The following DCAF4 variants were observed in gnomAD, a reference collection of about 807,000 sequenced individuals.
The protein encoded by DCAF4 is DDB1 and CUL4 associated factor 4.
DCAF4 carries 37 observed loss-of-function variants against 60.9 expected under a neutral mutation model. That is an observed-to-expected ratio of 0.61 (90% CI 0.47 to 0.80). The LOEUF is 0.80. DCAF4 is among the 30% of genes least tolerant of loss of function. The pLI is 0.00. For synonymous variants in DCAF4, 243 were observed against 254.8 expected (o/e 0.95, Z 0.44); for missense variants, 577 against 650.0 (o/e 0.89, Z 1.22).
intron 13 of DCAF4, 199 bp downstream of exon 13, chr14:72,956,699 C>T: frequency 1.9e-6 from 1 of 519,684 alleles, no homozygotes; most frequent in Non-Finnish European, 3.5e-6. Flanking sequence ...AAATGTCCAC[C>T]AGGTGGACAG....
At position 72,942,990 on chromosome 14, in the gene DCAF4, G is replaced by A; in HGVS notation, c.432-4G>A. The A allele has an allele frequency of 6.2e-7, 1 of 1,613,936 alleles. No individual in the cohort carries two copies. The highest frequency in any genetic ancestry group is 1.3e-5 in the African/African-American group (1 of 75,030). On this transcript the variant is annotated splice_region_variant and splice_polypyrimidine_tract_variant and intron_variant, in intron 5 of 13. Coordinates refer to ENST00000358377, the MANE Select transcript of DCAF4 (RefSeq NM_015604.4). ...ATCCATGCCCCCACCCTCTGTTTCTGCAGTTTAGCCCACGAGCTGCGTCTC... is the reference window on the plus strand; with the variant it reads ...ATCCATGCCCCCACCCTCTGTTTCTACAGTTTAGCCCACGAGCTGCGTCTC...
intron 1 of DCAF4, among the ~76,000 whole-genome samples, chr14:72,935,807 G>A (rs1243044953): frequency 1.3e-5 from 2 of 152,174 alleles, no homozygotes; most frequent in African/African-American, 4.8e-5. Context: ...CAGTTCGTGT[G>A]TTCTTTGCTG....
Position 72,958,670 on chromosome 14 carries a change from C to T in DCAF4, c.1353C>T (p.Thr451=). ...TCCACGATGCCCGCCTACTGAGAAC[C>T]ATACCCTCCCCGTACCCTGCCTCCA... The part of the protein sequence containing the change: ...WSLHDARLLR[T]IPSPYPASKA... Residue 451 remains threonine, a synonymous_variant, in exon 14 of 14, where the codon ACC becomes ACT. Transcript: ENST00000358377. 8 of 1,614,210 alleles carry T rather than the reference C, an allele frequency of 5.0e-6. No individual in the cohort carries two copies. Among genetic ancestry groups the T allele is most frequent in the Non-Finnish European group, 6.8e-6 (8 of 1,180,044 alleles).
At chr14:72,956,622 G>A (rs1276595472) in intron 13 of DCAF4, 122 bp downstream of exon 13, 5 of 885,852 alleles carry the variant, frequency 5.6e-6, no homozygotes, top group Non-Finnish European at 9.0e-6. Context: ...AGGGGAGTGT[G>A]GACAGCTGGG....
intron 1 of DCAF4, among the ~76,000 whole-genome samples, chr14:72,931,011 G>A (rs1386906700): frequency 6.6e-6 from 1 of 152,166 alleles, no homozygotes; most frequent in East Asian, 1.9e-4. Context: ...GATTACTGTA[G>A]CTGTGTAATG....
rs1594814628 is a variant in DCAF4 at position 72,958,673 on chromosome 14, A to T, written c.1356A>T (p.Ile452=). Reference sequence around the variant, plus strand: ...ACGATGCCCGCCTACTGAGAACCATACCCTCCCCGTACCCTGCCTCCAAGG... The same window carrying T: ...ACGATGCCCGCCTACTGAGAACCATTCCCTCCCCGTACCCTGCCTCCAAGG... ...SLHDARLLRT[I]PSPYPASKAD... Residue 452 remains isoleucine, a synonymous_variant, in exon 14 of 14, where the codon ATA becomes ATT. Transcript: ENST00000358377. 1 of 1,613,520 alleles carries T rather than the reference A, an allele frequency of 6.2e-7. No homozygotes were observed. Among genetic ancestry groups the T allele is most frequent in the Non-Finnish European group, 8.5e-7 (1 of 1,179,918 alleles).
At chr14:72,934,584 C>A (rs151089443) in intron 1 of DCAF4, among the ~76,000 whole-genome samples, 1 of 152,174 alleles carries the variant, frequency 6.6e-6, no homozygotes, top group Non-Finnish European at 1.5e-5. Flanking sequence ...ACCACCACGC[C>A]GGGCTTGCCT....
intron 6 of DCAF4, among the ~76,000 whole-genome samples, chr14:72,943,831 C>T (rs1047138412): frequency 5.3e-5 from 8 of 152,260 alleles, no homozygotes; most frequent in South Asian, 4.1e-4. Flanking sequence ...CATCTGGACT[C>T]GGTCATCTGC....
intron 1 of DCAF4, among the ~76,000 whole-genome samples, chr14:72,933,495 G>A (rs916848145): frequency 6.7e-4 from 101 of 151,750 alleles, no homozygotes; most frequent in African/African-American, 2.3e-3. Context: ...GGAGGCAGAG[G>A]TTGCAGTGAG....
At chr14:72,954,525 A>G (rs1892014887) in intron 11 of DCAF4, 42 bp downstream of exon 11, 1 of 1,599,632 alleles carries the variant, frequency 6.3e-7, no homozygotes, top group Non-Finnish European at 8.6e-7. Flanking sequence ...AGTTTGCCCC[A>G]TGTAGAAATT....
At chr14:72,958,452 G>A (rs185514854) in intron 13 of DCAF4, among the ~76,000 whole-genome samples, 160 bp from the exon 14 acceptor site, 58 of 152,330 alleles carry the variant, frequency 3.8e-4, no homozygotes, top group Admixed American at 2.5e-3. Context: ...ACAACAGGGC[G>A]ACTTGGGTTA....
intron 12 of DCAF4, among the ~76,000 whole-genome samples, chr14:72,956,083 C>T (rs911499285): frequency 5.3e-5 from 8 of 151,796 alleles, no homozygotes; most frequent in African/African-American, 1.5e-4. Context: ...CCACTGCGCC[C>T]GGCTAATTTT....
intron 1 of DCAF4, among the ~76,000 whole-genome samples, chr14:72,928,600 T>TATAA (rs1239468380): frequency 2.7e-5 from 4 of 147,732 alleles, no homozygotes; most frequent in African/African-American, 7.4e-5. Context: ...TATATATATA[T>TATAA]ATATATATAT....
downstream of DCAF4, among the ~76,000 whole-genome samples, chr14:72,961,580 C>T (rs549498951): frequency 4.3e-4 from 65 of 152,316 alleles, no homozygotes; most frequent in African/African-American, 1.2e-3. Flanking sequence ...AATTTCTGGC[C>T]CCTCCTGTCC....
intron 7 of DCAF4, among the ~76,000 whole-genome samples, chr14:72,946,807 G>A (rs1890799375): frequency 6.6e-6 from 1 of 152,214 alleles, no homozygotes. Flanking sequence ...TGAAGCATAA[G>A]CTGCAAGATG....
chr14:72,951,839 C>T lies in DCAF4; in HGVS notation c.770C>T (p.Thr257Ile), dbSNP rs1312753705. The T allele has an allele frequency of 6.2e-7, 1 of 1,614,134 alleles. No homozygotes were observed. The highest frequency in any genetic ancestry group is 8.5e-7 in the Non-Finnish European group (1 of 1,180,026). The change falls in exon 9 of 14, where the codon ACC (threonine) becomes ATC (isoleucine). Residue 257 changes from threonine to isoleucine, a missense_variant. Thr to Ile is a moderately conservative substitution (Grantham distance 89). Transcript: ENST00000358377. ...MGLAETPGCA[T>I]LLPASLFVNS... ...CTCGCAGAGACTCCAGGCTGTGCCACCCTGCTCCCAGCATCACTGTTCGTC... is the reference window on the plus strand; with the variant it reads ...CTCGCAGAGACTCCAGGCTGTGCCATCCTGCTCCCAGCATCACTGTTCGTC...
In DCAF4 at chr14:72,932,203, C is replaced by T. The variant is rs184547558; in HGVS notation, c.-9+5660C>T. On this transcript the variant is annotated intron_variant, in intron 1 of 13. Transcript: ENST00000358377. ...GAGGTTTCACTCTATGTTGGCCAGG[C>T]TGGTCTTGAACTCCTGACCTCAGGC... 4.6e-5 allele frequency among the ~76,000 whole-genome samples: 7 copies of T among 152,240 alleles called. No homozygotes were observed. In the East Asian group the frequency reaches 1.4e-3, roughly 29 times the overall value.
chr14:72,934,122 G>T (rs1468620035), intron 1 of DCAF4, among the ~76,000 whole-genome samples: 2 of 149,952 alleles, frequency 1.3e-5, no homozygotes, highest in African/African-American at 4.9e-5. Flanking sequence ...ACAGCCTGCA[G>T]GCCCCCCGCC....
intron 1 of DCAF4, among the ~76,000 whole-genome samples, chr14:72,937,626 G>A (rs1428065570): frequency 6.6e-6 from 1 of 151,958 alleles, no homozygotes; most frequent in Non-Finnish European, 1.5e-5. Flanking sequence ...TCACCATGTT[G>A]GTCAGGCTGG....
Sources: allele counts gnomAD v4.1 joint callset (sites outside exome capture counted in the v4.1 genomes callset), GRCh38; gene constraint gnomAD v4.1.1; transcripts MANE v1.5; gene names NCBI Gene and HGNC (gene_info 2026-07-23, HGNC 2026-07-21).